PAPPA: variants seen among roughly 807,000 people sequenced by gnomAD.
PAPPA encodes the protein pappalysin-1.
Under a neutral mutation model 164.0 loss-of-function variants are expected in PAPPA, and 60 were observed. That is an observed-to-expected ratio of 0.37 (90% confidence interval 0.30 to 0.45). PAPPA has a LOEUF of 0.45. PAPPA is among the 20% of genes least tolerant of loss of function. The pLI, the probability that PAPPA is intolerant of heterozygous loss-of-function variation, is 1.00. For synonymous variants in PAPPA, 875 were observed against 814.1 expected (o/e 1.07, Z -1.27); for missense variants, 1,782 against 2,087.3 (o/e 0.85, Z 2.85).
intron 1 of PAPPA, among the ~76,000 whole-genome samples, chr9:116,166,097 T>C (rs1843716454): frequency 6.6e-6 from 1 of 152,312 alleles, no homozygotes; most frequent in African/African-American, 2.4e-5. Context: ...TTAGGCATGT[T>C]GCATTACGTA....
At chr9:116,156,526 G>C (rs375047610) in intron 1 of PAPPA, among the ~76,000 whole-genome samples, 1 of 151,778 alleles carries the variant, frequency 6.6e-6, no homozygotes, top group African/African-American at 2.4e-5. Context: ...ATTATTGCTT[G>C]TATAAAATGC....
At chr9:116,326,911 G>C (rs1845927591) in intron 10 of PAPPA, among the ~76,000 whole-genome samples, 1 of 152,178 alleles carries the variant, frequency 6.6e-6, no homozygotes. Flanking sequence ...GCAGATTGCA[G>C]AATTTCCTTT....
intron 8 of PAPPA, among the ~76,000 whole-genome samples, chr9:116,269,780 C>G (rs1270851992): frequency 6.6e-6 from 1 of 152,146 alleles, no homozygotes; most frequent in Non-Finnish European, 1.5e-5. Context: ...TTTTTAAAGT[C>G]TTTTCCAAAA....
At position 116,313,826 on chromosome 9, in the gene PAPPA, C is replaced by T. The variant is rs550766508; in HGVS notation, c.3147+10876C>T. On this transcript the variant is annotated intron_variant, in intron 10 of 21. Transcript: ENST00000328252. ...TAGCCTATTTGTGGGCATTGGGTTC[C>T]CCTACTGGACAGAGCAGGTCTAGAG... Among the ~76,000 whole-genome samples, 30 of 152,062 alleles carry T rather than the reference C, an allele frequency of 2.0e-4. 1 individual carries two copies. The South Asian group carries it at 6.2e-3, about 32-fold the overall frequency.
Position 116,396,538 on chromosome 9 carries a change from A to C in PAPPA, c.4806A>C (p.Leu1602=), listed in dbSNP as rs1324933530. 9.0e-6 allele frequency: 7 copies of C among 780,788 alleles called. No homozygotes were observed. The Admixed American group carries it at 1.2e-4, about 13-fold the overall frequency. The allele number at this position is 780,788 out of a possible 1,614,324, so 48.4% of individuals were successfully genotyped here. The change falls in exon 22 of 22, where the codon CTA becomes CTC. Residue 1602 remains leucine (L), a synonymous_variant. Transcript: ENST00000328252. The part of the protein sequence containing the change: ...KVTPFPMSCD[L]QGDCACRDPQ... The stretch of plus-strand genomic sequence containing the variant: ...CCCCATTCCCTATGTCCTGTGATCT[A>C]CAAGGTGACTGTGCTTGTCGGGACC...
At chr9:116,329,017 G>A (rs1017397038) in intron 10 of PAPPA, among the ~76,000 whole-genome samples, 2 of 152,160 alleles carry the variant, frequency 1.3e-5, no homozygotes, top group South Asian at 2.1e-4. Context: ...GCAACCATGT[G>A]CTTTGATTAG....
intron 13 of PAPPA, among the ~76,000 whole-genome samples, chr9:116,341,207 A>AT (rs1179206830): frequency 2.0e-5 from 3 of 151,698 alleles, no homozygotes; most frequent in East Asian, 1.9e-4. Flanking sequence ...CTCCCAGCTA[A>AT]TTTTTTTATT....
intron 10 of PAPPA, among the ~76,000 whole-genome samples, chr9:116,306,798 C>T (rs534441249): frequency 3.6e-4 from 55 of 152,262 alleles, no homozygotes; most frequent in Admixed American, 1.8e-3. Context: ...CCTTTTACCC[C>T]GGCCTCCAGC....
At chr9:116,330,912 T>A (rs1845982957) in intron 10 of PAPPA, among the ~76,000 whole-genome samples, 1 of 152,160 alleles carries the variant, frequency 6.6e-6, no homozygotes, top group Non-Finnish European at 1.5e-5. Flanking sequence ...CTTGCTTCTG[T>A]TCCCTCTGCC....
chr9:116,313,391 G>T (rs1295249344), intron 10 of PAPPA, among the ~76,000 whole-genome samples: 3 of 152,212 alleles, frequency 2.0e-5, no homozygotes, highest in Admixed American at 2.0e-4. Context: ...CTGGAAGAGA[G>T]GCCCCTGGGG....
At chr9:116,191,910 G>A (rs548274392) in intron 2 of PAPPA, among the ~76,000 whole-genome samples, 25 of 152,254 alleles carry the variant, frequency 1.6e-4, no homozygotes, top group Admixed American at 1.1e-3. Flanking sequence ...ACTCTAGGGC[G>A]GGCAACCATG....
intron 10 of PAPPA, among the ~76,000 whole-genome samples, chr9:116,307,871 A>G (rs1156566011): frequency 2.0e-5 from 3 of 152,168 alleles, no homozygotes; most frequent in East Asian, 1.9e-4. Flanking sequence ...AATGAGAATG[A>G]TAACATCTAC....
intron 20 of PAPPA, among the ~76,000 whole-genome samples, chr9:116,378,958 A>G (rs1004616602): frequency 1.3e-5 from 2 of 152,190 alleles, no homozygotes; most frequent in Non-Finnish European, 2.9e-5. Flanking sequence ...TCAGGCTTCA[A>G]TTAGGAATGG....
In PAPPA at chr9:116,271,427, T is replaced by C; in HGVS notation, c.2953+11T>C. On this transcript the variant is annotated intron_variant, in intron 9 of 21. Coordinates refer to ENST00000328252, the MANE Select transcript of PAPPA (RefSeq NM_002581.5). The surrounding 1 kb of genome is among the most constrained non-coding windows in gnomAD (Gnocchi z 4.2). ...CCTTCAATTGTATTGGTACGTCTTT[T>C]TCATTTCTTGTGGCCTTCATGAAGA... 2 of 1,591,116 alleles carry C rather than the reference T, an allele frequency of 1.3e-6. No homozygotes were observed. Among genetic ancestry groups the C allele is most frequent in the Admixed American group, 3.3e-5 (2 of 60,006 alleles).
Position 116,207,489 on chromosome 9 carries a change from T to G in PAPPA, c.1512T>G (p.Ile504Met), listed in dbSNP as rs1045046767. The part of the protein sequence containing the change: ...AYLDVNELKN[I>M]LKLDGSTHLN... Reference sequence around the variant, plus strand: ...TGGATGTTAATGAGCTGAAGAACATTCTTAAATTGGATGGATCAACACATC... The same window carrying G: ...TGGATGTTAATGAGCTGAAGAACATGCTTAAATTGGATGGATCAACACATC... The change falls in exon 3 of 22, where the codon ATT (isoleucine) becomes ATG (methionine). Residue 504 changes from isoleucine (I) to methionine (M), a missense_variant. This residue lies in a region of PAPPA where 1,324 missense variants were observed against 1,656.9 expected (regional missense o/e 0.80). Coordinates refer to ENST00000328252, the MANE Select transcript of PAPPA (RefSeq NM_002581.5). 2.5e-6 allele frequency: 4 copies of G among 1,612,894 alleles called. No homozygotes were observed. The highest frequency in any genetic ancestry group is 3.4e-6 in the Non-Finnish European group (4 of 1,179,286).
At chr9:116,370,325 G>A (rs1170428778) in intron 19 of PAPPA, among the ~76,000 whole-genome samples, 12 of 152,132 alleles carry the variant, frequency 7.9e-5, no homozygotes, top group Non-Finnish European at 1.8e-4. Context: ...GTCTCTTCCT[G>A]CTTCCAGTGG....
rs1845138501 is a variant in PAPPA at position 116,271,595 on chromosome 9, T to C, written c.2953+179T>C. Among the ~76,000 whole-genome samples, 1 of 152,126 alleles carries C rather than the reference T, an allele frequency of 6.6e-6. No individual in the cohort carries two copies. Among genetic ancestry groups the C allele is most frequent in the South Asian group, 2.1e-4 (1 of 4,820 alleles). ...TTTTCAATATCGGGAAATACAGCAG[T>C]GAAAAAACAAACAAACAAAGCAATC... On this transcript the variant is annotated intron_variant, in intron 9 of 21. Coordinates refer to ENST00000328252, the MANE Select transcript of PAPPA (RefSeq NM_002581.5). The surrounding 1 kb of genome is among the most constrained non-coding windows in gnomAD (Gnocchi z 4.2).
At position 116,203,440 on chromosome 9, in the gene PAPPA, A is replaced by G. The variant is rs1248328179; in HGVS notation, c.1479-4016A>G. Among the ~76,000 whole-genome samples the G allele has an allele frequency of 2.0e-5, 3 of 152,206 alleles. No individual in the cohort carries two copies. The East Asian group carries it at 5.8e-4, about 29-fold the overall frequency. On this transcript the variant is annotated intron_variant, in intron 2 of 21. Coordinates refer to ENST00000328252, the MANE Select transcript of PAPPA (RefSeq NM_002581.5). ...TAATAAAGATTTGGTCCCAACTGCC[A>G]GAAGCTCATTACCTGATGGAAAAGA...
At position 116,206,428 on chromosome 9, in the gene PAPPA, G is replaced by A. The variant is rs114076995; in HGVS notation, c.1479-1028G>A. On this transcript the variant is annotated intron_variant, in intron 2 of 21. Transcript: ENST00000328252. ...ATGATCTGTGGAGCATCAGGCAGCT[G>A]TTACTAATTTCAATGTATTGATAAG... Among the ~76,000 whole-genome samples the A allele has an allele frequency of 6.3e-3, 955 of 152,224 alleles. 12 individuals carry two copies. Among genetic ancestry groups the A allele is most frequent in the African/African-American group, 0.022 (919 of 41,540 alleles).
Sources: allele counts gnomAD v4.1 joint callset (sites outside exome capture counted in the v4.1 genomes callset), GRCh38; gene constraint gnomAD v4.1.1; regional missense constraint gnomAD v4.1.1; non-coding constraint Gnocchi (gnomAD v3.1); transcripts MANE v1.5; gene names NCBI Gene and HGNC (gene_info 2026-07-23, HGNC 2026-07-21).